Variants in AGBL1 observed in about 807,000 individuals in gnomAD.
AGBL1 encodes the protein AGBL carboxypeptidase 1.
Under a neutral mutation model 118.9 loss-of-function variants are expected in AGBL1, and 130 were observed. The ratio of observed to expected loss-of-function variants is 1.09; its 90% CI spans 0.95 to 1.26. The LOEUF is 1.26. AGBL1 is among the 50% of genes most tolerant of loss of function. The pLI is 0.00. For missense variants in AGBL1, 1,584 were observed against 1,298.1 expected (o/e 1.22, Z -3.38); for synonymous variants, 555 against 478.9 (o/e 1.16, Z -2.08).
At chr15:86,476,166 C>A (rs1279942995) in intron 18 of AGBL1, among the ~76,000 whole-genome samples, 1 of 152,188 alleles carries the variant, frequency 6.6e-6, no homozygotes, top group Non-Finnish European at 1.5e-5. Flanking sequence ...GAAGAAACTG[C>A]ATCAACTAAT....
At chr15:86,947,589 A>C (rs1198396954) in intron 23 of AGBL1, among the ~76,000 whole-genome samples, 2 of 152,134 alleles carry the variant, frequency 1.3e-5, no homozygotes, top group Non-Finnish European at 2.9e-5. Flanking sequence ...CTTTGTTGTA[A>C]TTTTGTTATC....
At chr15:86,681,799 G>T (rs1199673619) in intron 22 of AGBL1, among the ~76,000 whole-genome samples, 6 of 152,154 alleles carry the variant, frequency 3.9e-5, no homozygotes, top group Non-Finnish European at 5.9e-5. Flanking sequence ...GCTTTTACCT[G>T]AGAGTACAAA....
At chr15:86,091,438 G>T (rs1896018038) in intron 1 of AGBL1, among the ~76,000 whole-genome samples, 1 of 152,170 alleles carries the variant, frequency 6.6e-6, no homozygotes, top group Non-Finnish European at 1.5e-5. Context: ...AGTCTCTTGG[G>T]GAAGATCAGA....
At chr15:86,734,830 C>G (rs150786132) in intron 22 of AGBL1, among the ~76,000 whole-genome samples, 17 of 152,164 alleles carry the variant, frequency 1.1e-4, no homozygotes, top group Admixed American at 3.3e-4. Context: ...AAAGAGCAAG[C>G]CTTTCCTTAC....
chr15:86,324,853 G>A (rs2080162309), intron 17 of AGBL1, among the ~76,000 whole-genome samples: 1 of 152,204 alleles, frequency 6.6e-6, no homozygotes, highest in South Asian at 2.1e-4. Context: ...GTTTGGGGAA[G>A]AGGGTTAGAG....
intron 22 of AGBL1, among the ~76,000 whole-genome samples, chr15:86,889,724 T>G (rs915509361): frequency 1.1e-4 from 17 of 152,328 alleles, no homozygotes; most frequent in Non-Finnish European, 2.4e-4. Context: ...AAGGACATGA[T>G]CTCATTCCTT....
At chr15:86,323,082 A>G (rs950304956) in intron 17 of AGBL1, among the ~76,000 whole-genome samples, 2 of 152,164 alleles carry the variant, frequency 1.3e-5, no homozygotes, top group Non-Finnish European at 2.9e-5. Flanking sequence ...GATGACTTCA[A>G]TAGTCACTTA....
chr15:86,860,713 AGTGT>A (rs3030214), intron 22 of AGBL1, among the ~76,000 whole-genome samples: 82 of 148,584 alleles, frequency 5.5e-4, no homozygotes, highest in Non-Finnish European at 7.2e-4. Context: ...TCTGTGAGTA[AGTGT>A]GTGTGTGTGT....
intron 1 of AGBL1, among the ~76,000 whole-genome samples, chr15:86,082,744 G>C (rs1028331154): frequency 2.6e-5 from 4 of 152,332 alleles, no homozygotes; most frequent in African/African-American, 7.2e-5. Flanking sequence ...TGTCCCGAAG[G>C]TCTGAGAATC....
intron 1 of AGBL1, among the ~76,000 whole-genome samples, chr15:86,117,107 T>C (rs1432853946): frequency 1.3e-5 from 2 of 152,098 alleles, no homozygotes; most frequent in Non-Finnish European, 2.9e-5. Flanking sequence ...AAAATCACTA[T>C]TTTATTCCTT....
At chr15:86,867,277 C>T (rs919721900) in intron 22 of AGBL1, among the ~76,000 whole-genome samples, 1 of 152,142 alleles carries the variant, frequency 6.6e-6, no homozygotes, top group Non-Finnish European at 1.5e-5. Flanking sequence ...CAGCATAACA[C>T]TTCCCTCAAA....
At chr15:86,898,959 C>A (rs2080171886) in intron 22 of AGBL1, among the ~76,000 whole-genome samples, 1 of 152,096 alleles carries the variant, frequency 6.6e-6, no homozygotes, top group South Asian at 2.1e-4. Flanking sequence ...ATTAGTTCAA[C>A]CATTGAGGAA....
At chr15:86,929,811 A>G (rs1215595977) in intron 23 of AGBL1, among the ~76,000 whole-genome samples, 1 of 152,204 alleles carries the variant, frequency 6.6e-6, no homozygotes, top group Non-Finnish European at 1.5e-5. Context: ...CTGGCATCCA[A>G]CTGAAGTTCT....
chr15:86,913,200 TAC>T lies in AGBL1; in HGVS notation c.*5933_*5934del, dbSNP rs10556535. On this transcript the variant is annotated 3_prime_UTR_variant, in exon 23 of 23. Transcript: ENST00000614907. ...TTGAGTTCCCCACCACACACACACA[TAC>T]ACACACACACACACACACACACACA... The T allele has an allele frequency of 0.35, 52,175 of 148,082 alleles. 9,171 individuals are homozygous for T. Among genetic ancestry groups the T allele is most frequent in the Middle Eastern group, 0.48 (140 of 290 alleles). 9.2% of individuals were successfully genotyped at this position (148,082 alleles called of 1,614,324 possible).
At chr15:86,439,425 T>C (rs2082036001) in intron 18 of AGBL1, among the ~76,000 whole-genome samples, 1 of 152,202 alleles carries the variant, frequency 6.6e-6, no homozygotes, top group Admixed American at 6.5e-5. Flanking sequence ...TCAGTATTAA[T>C]GGCCCTGTAT....
At chr15:86,755,009 T>A (rs1390540589) in intron 22 of AGBL1, among the ~76,000 whole-genome samples, 1 of 152,110 alleles carries the variant, frequency 6.6e-6, no homozygotes, top group African/African-American at 2.4e-5. Flanking sequence ...GGACTTGAGA[T>A]TTATCAGAAA....
intron 5 of AGBL1, among the ~76,000 whole-genome samples, chr15:86,204,536 T>C (rs2077960060): frequency 2.7e-5 from 4 of 148,962 alleles, no homozygotes. Flanking sequence ...CCTTCCTTTT[T>C]TCTCTTCTCT....
chr15:86,297,445 C>T (rs753556199), intron 17 of AGBL1, among the ~76,000 whole-genome samples: 1 of 152,144 alleles, frequency 6.6e-6, no homozygotes, highest in Non-Finnish European at 1.5e-5. Flanking sequence ...TGCTTTTCTG[C>T]TACTATCTTT....
At chr15:86,319,593 G>A (rs550008868) in intron 17 of AGBL1, among the ~76,000 whole-genome samples, 2 of 151,898 alleles carry the variant, frequency 1.3e-5, no homozygotes, top group Non-Finnish European at 2.9e-5. Flanking sequence ...TTTTATAGAC[G>A]TGGGTCTGTT....
Sources: gnomAD v4.1 joint callset for allele counts (sites outside exome capture counted in the v4.1 genomes callset) on GRCh38, gnomAD v4.1.1 for gene constraint, MANE v1.5 for transcripts, NCBI Gene and HGNC (gene_info 2026-07-23, HGNC 2026-07-21) for gene names.